TOX: variants seen among roughly 807,000 people sequenced by gnomAD.
TOX encodes thymocyte selection-associated high mobility group box protein TOX.
TOX carries 11 observed loss-of-function variants against 53.7 expected under a neutral mutation model. The ratio of observed to expected loss-of-function variants is 0.20; its 90% CI spans 0.13 to 0.34. The LOEUF is 0.34. Ranked by LOEUF, TOX falls within the 10% of genes least tolerant of loss-of-function variation. TOX has a pLI of 1.00. For missense variants in TOX, 570 were observed against 664.6 expected (o/e 0.86, Z 1.56); for synonymous variants, 225 against 245.3 (o/e 0.92, Z 0.77).
intron 2 of TOX, among the ~76,000 whole-genome samples, chr8:58,955,732 C>CT (rs35575258): frequency 0.013 from 1,703 of 130,360 alleles, 20 homozygotes; most frequent in Middle Eastern, 0.015. Context: ...GAAAAGGACA[C>CT]TTTTTTTTTT....
At chr8:59,063,270 G>A (rs1258262816) in intron 1 of TOX, among the ~76,000 whole-genome samples, 1 of 152,076 alleles carries the variant, frequency 6.6e-6, no homozygotes, top group Non-Finnish European at 1.5e-5. Flanking sequence ...ATCCAGACAG[G>A]TAAATGTTTC....
chr8:58,955,732 CTTT>C (rs35575258), intron 2 of TOX, among the ~76,000 whole-genome samples: 9 of 130,382 alleles, frequency 6.9e-5, no homozygotes, highest in Admixed American at 1.6e-4. Context: ...GAAAAGGACA[CTTT>C]TTTTTTTTTT....
intron 1 of TOX, among the ~76,000 whole-genome samples, chr8:59,062,254 G>A (rs1013351773): frequency 2.0e-5 from 3 of 152,142 alleles, no homozygotes; most frequent in African/African-American, 4.8e-5. Flanking sequence ...TCCTAACTCC[G>A]CAGAGGCTGA....
chr8:59,003,259 CT>C (rs1452313617), intron 1 of TOX, among the ~76,000 whole-genome samples: 1 of 152,182 alleles, frequency 6.6e-6, no homozygotes, highest in East Asian at 1.9e-4. Context: ...TTTTCAATGC[CT>C]TTTTTCTATT....
chr8:58,977,063 C>G (rs973549723), intron 1 of TOX, among the ~76,000 whole-genome samples: 1 of 152,196 alleles, frequency 6.6e-6, no homozygotes, highest in African/African-American at 2.4e-5. Flanking sequence ...ATCAACTTCT[C>G]CTCTCTAGCT....
chr8:58,893,194 G>C (rs893745484), intron 3 of TOX, among the ~76,000 whole-genome samples: 6 of 132,794 alleles, frequency 4.5e-5, no homozygotes, highest in African/African-American at 1.8e-4. Flanking sequence ...AATTGCTCCA[G>C]ATTACATCCA....
chr8:59,000,250 AATTG>A (rs1813665647), intron 1 of TOX, among the ~76,000 whole-genome samples: 1 of 152,180 alleles, frequency 6.6e-6, no homozygotes, highest in Non-Finnish European at 1.5e-5. Context: ...AGCTTAATCA[AATTG>A]ATTGGCAGCA....
At chr8:58,902,596 T>C (rs547637000) in intron 3 of TOX, among the ~76,000 whole-genome samples, 184 of 152,332 alleles carry the variant, frequency 1.2e-3, no homozygotes, top group African/African-American at 4.1e-3. Context: ...ACTTTTATAA[T>C]AAAGATGAAT....
intron 1 of TOX, among the ~76,000 whole-genome samples, chr8:58,963,799 G>A (rs1812842264): frequency 6.6e-6 from 1 of 152,188 alleles, no homozygotes; most frequent in Admixed American, 6.5e-5. Flanking sequence ...TAGACTGGGA[G>A]CCACCAGAGG....
chr8:59,104,197 T>TC (rs1321787935), intron 1 of TOX, among the ~76,000 whole-genome samples: 2 of 152,108 alleles, frequency 1.3e-5, no homozygotes, highest in Non-Finnish European at 1.5e-5. Context: ...ACCCCAACTT[T>TC]CCCCAGCACA....
At chr8:58,874,653 A>G (rs1811255573) in intron 3 of TOX, among the ~76,000 whole-genome samples, 2 of 152,236 alleles carry the variant, frequency 1.3e-5, no homozygotes, top group Non-Finnish European at 2.9e-5. Flanking sequence ...ATATGAGGTC[A>G]TGAAAAACTT....
chr8:58,890,798 T>C (rs150766215), intron 3 of TOX, among the ~76,000 whole-genome samples: 46 of 152,210 alleles, frequency 3.0e-4, no homozygotes, highest in African/African-American at 1.1e-3. Context: ...GAGAGTAGTG[T>C]GGGTGACATA....
chr8:58,898,827 T>C (rs1029942055), intron 3 of TOX, among the ~76,000 whole-genome samples: 1 of 152,204 alleles, frequency 6.6e-6, no homozygotes, highest in African/African-American at 2.4e-5. Context: ...CAGTTGTATC[T>C]CCAAGGCTCC....
At chr8:59,113,290 G>T (rs1459873608) in intron 1 of TOX, among the ~76,000 whole-genome samples, 4 of 152,140 alleles carry the variant, frequency 2.6e-5, no homozygotes. Context: ...GCATAAAATG[G>T]TAGGGGGTGT....
intron 1 of TOX, among the ~76,000 whole-genome samples, chr8:59,013,691 G>A (rs527256293): frequency 1.3e-5 from 2 of 152,212 alleles, no homozygotes; most frequent in African/African-American, 2.4e-5. Flanking sequence ...TTACAGGCGT[G>A]AGCCAGCGCA....
At chr8:58,942,987 C>T (rs949501029) in intron 2 of TOX, among the ~76,000 whole-genome samples, 2 of 152,186 alleles carry the variant, frequency 1.3e-5, no homozygotes, top group African/African-American at 4.8e-5. Flanking sequence ...TGGTGTGATG[C>T]TTGTAACAGC....
intron 1 of TOX, among the ~76,000 whole-genome samples, chr8:58,974,026 G>A (rs1813049666): frequency 6.6e-6 from 1 of 152,106 alleles, no homozygotes; most frequent in Non-Finnish European, 1.5e-5. Flanking sequence ...TTGAACTCCT[G>A]ACCTCAGGTG....
intron 3 of TOX, among the ~76,000 whole-genome samples, chr8:58,868,442 T>A (rs1811139000): frequency 6.6e-6 from 1 of 152,174 alleles, no homozygotes; most frequent in East Asian, 1.9e-4. Flanking sequence ...CCTGGGCTAT[T>A]ATTAATTAAG....
In TOX at chr8:58,805,591, T is replaced by C. The variant is rs763823639; in HGVS notation, c.*2156A>G. On this transcript the variant is annotated 3_prime_UTR_variant, in exon 9 of 9. Transcript: ENST00000361421. The stretch of plus-strand genomic sequence containing the variant: ...ACAAACCGCCTGTCAAAGTCAAAGC[T>C]GCTCATTCTCCTCCCAGTAATTACC... 2 of 152,678 alleles carry C rather than the reference T, an allele frequency of 1.3e-5. No homozygotes were observed. Among genetic ancestry groups the C allele is most frequent in the Non-Finnish European group, 2.9e-5 (2 of 68,050 alleles). 9.5% of individuals were successfully genotyped at this position (152,678 alleles called of 1,614,324 possible).
Sources: gnomAD v4.1 joint callset for allele counts (sites outside exome capture counted in the v4.1 genomes callset) on GRCh38, gnomAD v4.1.1 for gene constraint, MANE v1.5 for transcripts, NCBI Gene and HGNC (gene_info 2026-07-23, HGNC 2026-07-21) for gene names.